Variants in HDAC9 observed in about 807,000 individuals in gnomAD.
HDAC9 encodes the protein histone deacetylase 9, also known as MEF-2 interacting transcription repressor (MITR) protein.
In HDAC9, 41 loss-of-function variants were observed where a neutral mutation model predicts 139.4. That is an observed-to-expected ratio of 0.29 (90% CI 0.23 to 0.38). The LOEUF (loss-of-function observed/expected upper bound fraction) is 0.38. HDAC9 is among the 10% of genes least tolerant of loss of function. HDAC9 has a pLI of 1.00. For synonymous variants in HDAC9, 517 were observed against 476.2 expected (o/e 1.09, Z -1.12); for missense variants, 1,147 against 1,297.0 (o/e 0.88, Z 1.78).
intron 13 of HDAC9, among the ~76,000 whole-genome samples, chr7:18,737,997 C>T (rs1194971058): frequency 6.6e-6 from 1 of 152,118 alleles, no homozygotes; most frequent in Non-Finnish European, 1.5e-5. Context: ...TGAATTGATC[C>T]CTTTACCATT....
At chr7:18,912,225 T>C (rs1181278613) in intron 22 of HDAC9, among the ~76,000 whole-genome samples, 2 of 152,094 alleles carry the variant, frequency 1.3e-5, no homozygotes, top group Non-Finnish European at 2.9e-5. Flanking sequence ...ATTATCAATA[T>C]GTAATGACCA....
At chr7:18,197,471 A>G (rs1448165831) in intron 2 of HDAC9, among the ~76,000 whole-genome samples, 2 of 152,158 alleles carry the variant, frequency 1.3e-5, no homozygotes, top group Non-Finnish European at 2.9e-5. Flanking sequence ...AGCTGTAGTG[A>G]GGTAGGTAGC....
At chr7:18,190,733 T>C (rs1790291087) in intron 2 of HDAC9, among the ~76,000 whole-genome samples, 1 of 152,176 alleles carries the variant, frequency 6.6e-6, no homozygotes, top group South Asian at 2.1e-4. Flanking sequence ...CAATTTTCAC[T>C]CTTATTAAGT....
intron 25 of HDAC9, among the ~76,000 whole-genome samples, chr7:18,990,284 C>T (rs1785772857): frequency 6.6e-6 from 1 of 152,164 alleles, no homozygotes; most frequent in Non-Finnish European, 1.5e-5. Flanking sequence ...CCCTCAGCTG[C>T]AGGTCTGTTG....
At chr7:18,112,937 C>T (rs1006835092) in intron 1 of HDAC9, among the ~76,000 whole-genome samples, 1 of 151,924 alleles carries the variant, frequency 6.6e-6, no homozygotes, top group Non-Finnish European at 1.5e-5. Context: ...TGTGTTTTTC[C>T]TTGAGTGGAA....
intron 24 of HDAC9, among the ~76,000 whole-genome samples, chr7:18,973,022 G>A (rs567193118): frequency 2.6e-5 from 4 of 152,322 alleles, no homozygotes; most frequent in African/African-American, 9.6e-5. Flanking sequence ...AAGGTGGGTG[G>A]AGGACAGCAG....
At chr7:18,354,528 T>G (rs6968411) in intron 1 of HDAC9, among the ~76,000 whole-genome samples, 4 of 152,284 alleles carry the variant, frequency 2.6e-5, no homozygotes, top group African/African-American at 9.6e-5. Flanking sequence ...GCAGGCCTTG[T>G]TATATTAATT....
chr7:18,997,880 G>C lies in HDAC9; in HGVS notation c.*1818G>C, dbSNP rs1739695830. ...TTGGTTTAACTTCTTAGAAATTTGA[G>C]ACACCCTTTGAAATAGGAAATCTGA... On this transcript the variant is annotated 3_prime_UTR_variant, in exon 26 of 26. Transcript: ENST00000686413. The C allele has an allele frequency of 6.6e-6, 1 of 152,058 alleles. No homozygotes were observed. The allele number at this position is 152,058 out of a possible 1,614,324, so 9.4% of individuals were successfully genotyped here.
intron 22 of HDAC9, among the ~76,000 whole-genome samples, chr7:18,888,286 G>T (rs1291561815): frequency 6.6e-6 from 1 of 152,136 alleles, no homozygotes; most frequent in Admixed American, 6.6e-5. Flanking sequence ...TTAGCCAGGC[G>T]TGGTGGCGGG....
At chr7:18,879,444 G>A (rs1336250272) in intron 22 of HDAC9, among the ~76,000 whole-genome samples, 1 of 152,072 alleles carries the variant, frequency 6.6e-6, no homozygotes, top group African/African-American at 2.4e-5. Context: ...AAACAGCATG[G>A]TACTGGTACA....
rs1277434013 is a variant in HDAC9 at position 18,820,918 on chromosome 7, C to CTGCTGTA, written c.2323-8242_2323-8236dup. On this transcript the variant is annotated intron_variant, in intron 17 of 25. Coordinates refer to ENST00000686413, the MANE Select transcript of HDAC9 (RefSeq NM_178425.4). The stretch of plus-strand genomic sequence containing the variant: ...TATAGAGTGTCTTAGTCCATTTGTA[C>CTGCTGTA]TGCTGTAACAAAATACCACAGATGC... 1.4e-4 allele frequency among the ~76,000 whole-genome samples: 22 copies of CTGCTGTA among 152,282 alleles called. 1 individual carries two copies. Among genetic ancestry groups the CTGCTGTA allele is most frequent in the African/African-American group, 5.3e-4 (22 of 41,546 alleles).
rs1319237916 is a variant in HDAC9, at chr7:18,835,336, G to C, written c.2467-131G>C. The C allele has an allele frequency of 4.0e-6, 4 of 1,004,388 alleles. No individual in the cohort carries two copies. The African/African-American group carries it at 6.6e-5, about 16-fold the overall frequency. The allele number at this position is 1,004,388 out of a possible 1,614,324, so 62.2% of individuals were successfully genotyped here. On this transcript the variant is annotated intron_variant, in intron 19 of 25. Coordinates refer to ENST00000686413, the MANE Select transcript of HDAC9 (RefSeq NM_178425.4). Reference sequence around the variant, plus strand: ...AGCAGGCTGAAAGGGAGAAAGAAAAGAGGAACGTAGTGAGAAGACAGAAAA... The same window carrying C: ...AGCAGGCTGAAAGGGAGAAAGAAAACAGGAACGTAGTGAGAAGACAGAAAA...
intron 2 of HDAC9, among the ~76,000 whole-genome samples, chr7:18,207,428 A>G (rs770642929): frequency 4.0e-5 from 6 of 151,496 alleles, no homozygotes; most frequent in Middle Eastern, 3.4e-3. Flanking sequence ...TTTAATAAAG[A>G]TAGGTTCTCA....
chr7:18,096,042 T>TCCCTCAAATAATCCCTCAAATGTCA, intron 1 of HDAC9, among the ~76,000 whole-genome samples: 1 of 152,206 alleles, frequency 6.6e-6, no homozygotes, highest in Non-Finnish European at 1.5e-5. Context: ...TCAGGTTTAA[T>TCCCTCAAATAATCCCTCAAATGTCA]GAGGTATCAC....
At chr7:18,949,453 T>C (rs1421139089) in intron 23 of HDAC9, 2 of 225,718 alleles carry the variant, frequency 8.9e-6, no homozygotes, top group South Asian at 7.2e-5. Context: ...TGAACTATGC[T>C]TCAACCATAA....
intron 1 of HDAC9, among the ~76,000 whole-genome samples, chr7:18,402,688 A>G (rs1276721490): frequency 6.6e-6 from 1 of 152,190 alleles, no homozygotes; most frequent in African/African-American, 2.4e-5. Flanking sequence ...GTGAATAATG[A>G]ACATAGAGGT....
chr7:18,629,511 G>C, intron 7 of HDAC9, 30 bp downstream of exon 7: 1 of 1,591,136 alleles, frequency 6.3e-7, no homozygotes, highest in Non-Finnish European at 8.6e-7. Flanking sequence ...ACCTATGAAT[G>C]CTGGGAGTAG....
chr7:18,394,227 G>A (rs1280515582), intron 1 of HDAC9, among the ~76,000 whole-genome samples: 1 of 152,088 alleles, frequency 6.6e-6, no homozygotes, highest in Admixed American at 6.5e-5. Flanking sequence ...GACACTCAAA[G>A]GTTGGGGCTG....
At chr7:18,513,791 T>G (rs1046597261) in intron 2 of HDAC9, among the ~76,000 whole-genome samples, 1 of 152,204 alleles carries the variant, frequency 6.6e-6, no homozygotes, top group Non-Finnish European at 1.5e-5. Flanking sequence ...GGGATTTGAC[T>G]TTTTAATTCC....
Sources: allele counts gnomAD v4.1 joint callset (sites outside exome capture counted in the v4.1 genomes callset), GRCh38; gene constraint gnomAD v4.1.1; transcripts MANE v1.5; gene names NCBI Gene and HGNC (gene_info 2026-07-23, HGNC 2026-07-21).